Variants in COL4A1 observed in about 807,000 individuals in gnomAD.
COL4A1 encodes collagen type IV alpha 1 chain.
COL4A1 carries 40 observed loss-of-function variants against 216.6 expected under a neutral mutation model. The observed-to-expected ratio is 0.18, with a 90% CI of 0.14 to 0.24. COL4A1 has a LOEUF of 0.24. Ranked by LOEUF, COL4A1 falls within the 10% of genes least tolerant of loss-of-function variation. The probability of loss-of-function intolerance (pLI) is 1.00; values close to 1 mark genes in which losing one functional copy is unlikely to be tolerated. For missense variants in COL4A1, 1,628 were observed against 2,196.8 expected (o/e 0.74, Z 5.18); for synonymous variants, 839 against 810.7 (o/e 1.03, Z -0.59).
intron 1 of COL4A1, among the ~76,000 whole-genome samples, chr13:110,287,195 C>T (rs1052852435): frequency 2.6e-5 from 4 of 152,208 alleles, no homozygotes; most frequent in Non-Finnish European, 5.9e-5. Context: ...CACTATGTGT[C>T]AGAGGGAAGG....
At chr13:110,260,251 G>C (rs1176436334) in intron 1 of COL4A1, among the ~76,000 whole-genome samples, 1 of 152,210 alleles carries the variant, frequency 6.6e-6, no homozygotes, top group Non-Finnish European at 1.5e-5. Context: ...CGGCAGGCTA[G>C]AGAGCTTGAG....
At chr13:110,182,057 T>C (rs964149401) in intron 28 of COL4A1, among the ~76,000 whole-genome samples, 1 of 152,198 alleles carries the variant, frequency 6.6e-6, no homozygotes, top group East Asian at 1.9e-4. Context: ...AGCAACTCCA[T>C]GTCACATGGG....
chr13:110,156,649 C>A (rs955725176), intron 49 of COL4A1, among the ~76,000 whole-genome samples: 3 of 152,110 alleles, frequency 2.0e-5, no homozygotes, highest in African/African-American at 7.2e-5. Flanking sequence ...ATGAAGGGAA[C>A]CCTTGATGGT....
intron 39 of COL4A1, 91 bp from the exon 40 acceptor site, chr13:110,174,089 G>A (rs1566349438): frequency 7.9e-6 from 11 of 1,397,194 alleles, no homozygotes; most frequent in Non-Finnish European, 1.1e-5. Flanking sequence ...CATCCTTTAA[G>A]GGAGCTGTTC....
intron 46 of COL4A1, among the ~76,000 whole-genome samples, chr13:110,164,634 T>C (rs1490075600): frequency 1.3e-5 from 2 of 152,268 alleles, no homozygotes; most frequent in East Asian, 1.9e-4. Context: ...AGATGTGTTG[T>C]TATGTGTTCC....
At position 110,150,088 on chromosome 13, in the gene COL4A1, C is replaced by T; in HGVS notation, c.*275G>A. The T allele has an allele frequency of 2.1e-6, 1 of 468,642 alleles. No homozygotes were observed. Among genetic ancestry groups the T allele is most frequent in the Non-Finnish European group, 3.9e-6 (1 of 253,266 alleles). The allele number at this position is 468,642 out of a possible 1,614,324, so 29.0% of individuals were successfully genotyped here. Reference sequence around the variant, plus strand: ...TTTCTGATGGAGTTCTCACTTCACACATCAGTGCATTGGATTGCAGAAAAT... The same window carrying T: ...TTTCTGATGGAGTTCTCACTTCACATATCAGTGCATTGGATTGCAGAAAAT... On this transcript the variant is annotated 3_prime_UTR_variant, in exon 52 of 52. Coordinates refer to ENST00000375820, the MANE Select transcript of COL4A1 (RefSeq NM_001845.6).
At chr13:110,213,512 C>T (rs1398703998) in intron 4 of COL4A1, among the ~76,000 whole-genome samples, 1 of 152,116 alleles carries the variant, frequency 6.6e-6, no homozygotes, top group Non-Finnish European at 1.5e-5. Context: ...AGAAGAGATT[C>T]CTGAAGAAGA....
chr13:110,195,118 T>C lies in COL4A1; in HGVS notation c.1286A>G (p.Asn429Ser), dbSNP rs1423500153. 1.9e-6 allele frequency: 3 copies of C among 1,613,434 alleles called. No homozygotes were observed. Among genetic ancestry groups the C allele is most frequent in the Non-Finnish European group, 2.5e-6 (3 of 1,179,354 alleles). The change falls in exon 22 of 52, where the codon AAT (asparagine) becomes AGT (serine). Residue 429 changes from asparagine to serine, a missense_variant and splice_region_variant. Asn to Ser is a conservative substitution (Grantham distance 46, BLOSUM62 1). Coordinates refer to ENST00000375820, the MANE Select transcript of COL4A1 (RefSeq NM_001845.6). Reference protein sequence around the residue: ...PGPPGQPGYTNGIVECQPGPP... With the variant: ...PGPPGQPGYTSGIVECQPGPP... The stretch of plus-strand genomic sequence containing the variant: ...TCCGGGCTGACATTCCACAATTCCA[T>C]CTGAAATTGAGTTGTCAGAGTTATA...
intron 1 of COL4A1, among the ~76,000 whole-genome samples, chr13:110,250,680 G>C (rs779929235): frequency 6.6e-6 from 1 of 152,146 alleles, no homozygotes; most frequent in African/African-American, 2.4e-5. Context: ...TGTGTGAAAT[G>C]AGTTGGTGGG....
chr13:110,297,944 G>GAA (rs988398575), intron 1 of COL4A1, among the ~76,000 whole-genome samples: 2 of 151,352 alleles, frequency 1.3e-5, no homozygotes, highest in African/African-American at 2.4e-5. Flanking sequence ...AAGAGAGAGA[G>GAA]AAATGGGCCT....
At chr13:110,231,283 C>A (rs637677) in intron 2 of COL4A1, among the ~76,000 whole-genome samples, 14 of 152,338 alleles carry the variant, frequency 9.2e-5, no homozygotes, top group African/African-American at 2.6e-4. Context: ...GAGTCTTGTA[C>A]GTGGAAGTGA....
chr13:110,211,920 C>T lies in COL4A1; in HGVS notation c.390G>A (p.Gly130=), dbSNP rs1879820132. 6.2e-7 allele frequency: 1 copy of T among 1,614,120 alleles called. No individual in the cohort carries two copies. Among genetic ancestry groups the T allele is most frequent in the Non-Finnish European group, 8.5e-7 (1 of 1,179,992 alleles). The change falls in exon 7 of 52, where the codon GGG becomes GGA. Residue 130 remains glycine, a splice_region_variant and synonymous_variant. Transcript: ENST00000375820. This position sits in a 1 kb window ranked among gnomAD's most constrained non-coding sequence, Gnocchi z 4.3. ...PGIPGCNGTK[G]ERGPLGPPGL... is the part of the protein sequence containing the mutation. ...CAGGAGGCCCGAGCGGCCCTCTCTC[C>T]CCCTGGGGAGACAGCAGAGCATCAT...
rs930263214 is a variant in COL4A1, at chr13:110,306,968, C to G, written c.60G>C (p.Glu20Asp). 1 of 1,475,782 alleles carries G rather than the reference C, an allele frequency of 6.8e-7. No individual in the cohort carries two copies. The highest frequency in any genetic ancestry group is 1.5e-5 in the African/African-American group (1 of 68,498). 91.4% of individuals were successfully genotyped at this position (1,475,782 alleles called of 1,614,324 possible). A position where few individuals can be genotyped will look rare whatever the true frequency, so the allele number is the denominator to read the frequency against. Reference sequence around the variant, plus strand: ...CCTTCGCAGCGGCCCGGCTGTGCTCCTCGTGGAGCAGAAGGGCGGCGGGCA... The same window carrying G: ...CCTTCGCAGCGGCCCGGCTGTGCTCGTCGTGGAGCAGAAGGGCGGCGGGCA... ...LLLPAALLLH[E>D]EHSRAAAKGG... Residue 20 changes from glutamate (E) to aspartate (D), a missense_variant, in exon 1 of 52, where the codon GAG becomes GAC. Around this residue, in one of 8 missense-constraint regions of COL4A1, gnomAD observed 74 missense variants for 61.7 expected, o/e 1.20. Transcript: ENST00000375820.
chr13:110,206,530 A>C lies in COL4A1; in HGVS notation c.858+135T>G, dbSNP rs1879523746. On this transcript the variant is annotated intron_variant, in intron 15 of 51. Transcript: ENST00000375820. ...GATATAGCTCAGGAGAGTCTCGGAA[A>C]AGCCCTTCGGGGCATGAAAGGGATA... The C allele has an allele frequency of 3.0e-6, 3 of 1,001,556 alleles. 1 individual carries two copies. The South Asian group carries it at 4.0e-5, about 13-fold the overall frequency. 62.0% of individuals were successfully genotyped at this position (1,001,556 alleles called of 1,614,324 possible). A position where few individuals can be genotyped will look rare whatever the true frequency, so the allele number is the denominator to read the frequency against.
At chr13:110,194,512 T>A (rs564052803) in intron 22 of COL4A1, among the ~76,000 whole-genome samples, 1 of 152,156 alleles carries the variant, frequency 6.6e-6, no homozygotes, top group South Asian at 2.1e-4. Context: ...AGGCAAACAC[T>A]TGGAAAGATT....
intron 41 of COL4A1, among the ~76,000 whole-genome samples, chr13:110,172,347 G>T (rs1345379178): frequency 2.0e-5 from 3 of 152,232 alleles, no homozygotes; most frequent in Non-Finnish European, 2.9e-5. Context: ...TTTTTGTCTC[G>T]TGGTGTGTGC....
chr13:110,262,038 A>G lies in COL4A1; in HGVS notation c.85-19304T>C, dbSNP rs77723598. Among the ~76,000 whole-genome samples, 627 of 152,308 alleles carry G rather than the reference A, an allele frequency of 4.1e-3. 5 individuals carry two copies. The highest frequency in any genetic ancestry group is 4.7e-3 in the Non-Finnish European group (322 of 68,010). On this transcript the variant is annotated intron_variant, in intron 1 of 51. Coordinates refer to ENST00000375820, the MANE Select transcript of COL4A1 (RefSeq NM_001845.6). ...GAATTTAGAAACATGCAGGAGGCCC[A>G]TGCTTCCATCTGAGGGTTTAACTGG...
intron 18 of COL4A1, chr13:110,201,750 G>A: frequency 2.9e-6 from 2 of 679,120 alleles, no homozygotes; most frequent in Admixed American, 1.8e-5. Flanking sequence ...TTGGGAGGCT[G>A]AGGCAGGTGG....
intron 1 of COL4A1, among the ~76,000 whole-genome samples, chr13:110,293,150 G>A (rs1476624117): frequency 6.6e-6 from 1 of 152,282 alleles, no homozygotes; most frequent in East Asian, 1.9e-4. Context: ...GCCACCGTTG[G>A]GGGCTGGAGG....
Sources: allele counts gnomAD v4.1 joint callset (sites outside exome capture counted in the v4.1 genomes callset), GRCh38; gene constraint gnomAD v4.1.1; regional missense constraint gnomAD v4.1.1; non-coding constraint Gnocchi (gnomAD v3.1); transcripts MANE v1.5; gene names NCBI Gene and HGNC (gene_info 2026-07-23, HGNC 2026-07-21).